The following IL1RAPL1 variants were observed in gnomAD, a reference collection of about 807,000 sequenced individuals.
IL1RAPL1 encodes the protein interleukin-1 receptor accessory protein-like 1.
IL1RAPL1 carries 3 observed loss-of-function variants against 48.4 expected under a neutral mutation model. The observed-to-expected ratio is 0.06, with a 90% CI of 0.03 to 0.16. IL1RAPL1 has a LOEUF of 0.16. Among genes scored for constraint, IL1RAPL1 ranks in the 10% least tolerant of loss-of-function variants. IL1RAPL1 has a pLI of 1.00. For missense variants in IL1RAPL1, 349 were observed against 530.6 expected (o/e 0.66, Z 3.36); for synonymous variants, 185 against 187.7 (o/e 0.99, Z 0.12).
chrX:29,354,104 T>G (rs1293470241), intron 3 of IL1RAPL1, among the ~76,000 whole-genome samples: 1 of 111,153 alleles, frequency 9.0e-6, no homozygotes, highest in African/African-American at 3.3e-5. Context: ...AAGCCTATGA[T>G]TTTGTCAGAT....
chrX:28,926,500 GA>G lies in IL1RAPL1; in HGVS notation c.82+137085del, dbSNP rs1365338386. 2.2e-3 allele frequency among the ~76,000 whole-genome samples: 229 copies of G among 104,536 alleles called. 3 individuals carry two copies. The highest frequency in any genetic ancestry group is 9.9e-3 in the Middle Eastern group (2 of 203). 90.8% of individuals were successfully genotyped at this position (104,536 alleles called of 115,157 possible). ...TCATTAAAAAAGTGGTCAGCACAAG[GA>G]AAAAAAAAACATATATAGTTTAACT... On this transcript the variant is annotated intron_variant, in intron 2 of 10. Transcript: ENST00000378993.
chrX:29,260,393 T>C (rs113072582), intron 2 of IL1RAPL1, among the ~76,000 whole-genome samples: 1,126 of 112,057 alleles, frequency 0.01, 11 homozygotes, highest in African/African-American at 0.034. Flanking sequence ...CTCACAATCA[T>C]GGCAGAAGGC....
chrX:29,785,877 G>T (rs1929483803), intron 6 of IL1RAPL1, among the ~76,000 whole-genome samples: 1 of 111,116 alleles, frequency 9.0e-6, no homozygotes. Flanking sequence ...GCTCATGGGG[G>T]AATCTTCTGA....
At chrX:29,694,912 T>C (rs1187186324) in intron 6 of IL1RAPL1, among the ~76,000 whole-genome samples, 6 of 111,115 alleles carry the variant, frequency 5.4e-5, no homozygotes, top group African/African-American at 2.0e-4. Context: ...TTATATCTAC[T>C]TAGAGGGGCT....
At chrX:29,325,083 G>A (rs145216624) in intron 3 of IL1RAPL1, among the ~76,000 whole-genome samples, 2 of 111,684 alleles carry the variant, frequency 1.8e-5, no homozygotes, top group Admixed American at 1.9e-4. Flanking sequence ...CACTTGAACA[G>A]ATTTTAGATT....
intron 1 of IL1RAPL1, among the ~76,000 whole-genome samples, chrX:28,712,095 A>G (rs1373000744): frequency 1.8e-5 from 2 of 111,456 alleles, no homozygotes; most frequent in African/African-American, 3.3e-5. Context: ...CATATGAGGA[A>G]CATTAAACTA....
chrX:29,191,484 C>G (rs1056010979), intron 2 of IL1RAPL1, among the ~76,000 whole-genome samples: 2 of 111,391 alleles, frequency 1.8e-5, no homozygotes, highest in Non-Finnish European at 3.8e-5. Context: ...TCTTCATTTC[C>G]CCCCACCTCC....
chrX:29,521,363 C>T (rs1935501302), intron 5 of IL1RAPL1, among the ~76,000 whole-genome samples: 1 of 111,959 alleles, frequency 8.9e-6, no homozygotes, highest in African/African-American at 3.2e-5. Flanking sequence ...CCCCATCCCC[C>T]TTTCACACCA....
At chrX:29,680,997 A>G (rs1187649056) in intron 6 of IL1RAPL1, among the ~76,000 whole-genome samples, 1 of 112,618 alleles carries the variant, frequency 8.9e-6, no homozygotes, top group Non-Finnish European at 1.9e-5. Context: ...TTCTAGAGCT[A>G]GAGAATGGAT....
chrX:29,052,172 A>G lies in IL1RAPL1; in HGVS notation c.83-230766A>G, dbSNP rs1927107602. On this transcript the variant is annotated intron_variant, in intron 2 of 10. Transcript: ENST00000378993. The stretch of plus-strand genomic sequence containing the variant: ...CAAACATATTTATCTTTTTGTTCAG[A>G]GAAATGAACATGAACTCCTTATTTC... Among the ~76,000 whole-genome samples, 5 of 111,971 alleles carry G rather than the reference A, an allele frequency of 4.5e-5. No homozygotes were observed. The South Asian group carries it at 1.9e-3, about 42-fold the overall frequency.
At chrX:29,654,944 G>C (rs1004413686) in intron 5 of IL1RAPL1, among the ~76,000 whole-genome samples, 1 of 111,685 alleles carries the variant, frequency 9.0e-6, no homozygotes, top group Non-Finnish European at 1.9e-5. Context: ...TATAAACCTT[G>C]AATTTCAGTG....
intron 6 of IL1RAPL1, among the ~76,000 whole-genome samples, chrX:29,741,579 C>T (rs1928197614): frequency 9.0e-6 from 1 of 110,847 alleles, no homozygotes; most frequent in South Asian, 3.9e-4. Context: ...ACTCTGAAAG[C>T]TTCTTACATT....
At chrX:29,651,534 T>C (rs1467004704) in intron 5 of IL1RAPL1, among the ~76,000 whole-genome samples, 2 of 111,689 alleles carry the variant, frequency 1.8e-5, no homozygotes, top group African/African-American at 6.5e-5. Context: ...TGACAAGTAC[T>C]ACATGATCAC....
chrX:29,126,136 A>T (rs1218893491), intron 2 of IL1RAPL1, among the ~76,000 whole-genome samples: 1 of 111,633 alleles, frequency 9.0e-6, no homozygotes, highest in Non-Finnish European at 1.9e-5. Context: ...ATTTTACAGT[A>T]TGGTATCATG....
intron 2 of IL1RAPL1, among the ~76,000 whole-genome samples, chrX:29,168,312 C>G (rs1929827249): frequency 9.4e-6 from 1 of 106,826 alleles, no homozygotes; most frequent in Admixed American, 1.0e-4. Context: ...AATTTTGTAC[C>G]AATTGACTAA....
At chrX:28,768,725 C>G (rs1376545786) in intron 1 of IL1RAPL1, among the ~76,000 whole-genome samples, 8 of 72,935 alleles carry the variant, frequency 1.1e-4, no homozygotes, top group Admixed American at 1.7e-4. Flanking sequence ...CTCTCTCTCT[C>G]TCTGTCTCTC....
intron 2 of IL1RAPL1, among the ~76,000 whole-genome samples, chrX:28,806,934 A>T (rs1936739770): frequency 9.0e-6 from 1 of 111,223 alleles, no homozygotes; most frequent in African/African-American, 3.3e-5. Flanking sequence ...GGGACCTTGT[A>T]AACCCTCTCA....
At chrX:29,578,948 T>G (rs1432968536) in intron 5 of IL1RAPL1, among the ~76,000 whole-genome samples, 3 of 112,133 alleles carry the variant, frequency 2.7e-5, no homozygotes, top group Non-Finnish European at 3.8e-5. Context: ...TTTTATGGCC[T>G]TACTCATGTA....
intron 1 of IL1RAPL1, among the ~76,000 whole-genome samples, chrX:28,705,081 T>C (rs1935359706): frequency 8.9e-6 from 1 of 111,743 alleles, no homozygotes; most frequent in African/African-American, 3.3e-5. Context: ...ATAGTGGGTA[T>C]AGTGAGATGT....
Sources: gnomAD v4.1 joint callset for allele counts (sites outside exome capture counted in the v4.1 genomes callset) on GRCh38, gnomAD v4.1.1 for gene constraint, MANE v1.5 for transcripts, NCBI Gene and HGNC (gene_info 2026-07-23, HGNC 2026-07-21) for gene names.